The following ITPR3 variants were observed in gnomAD, a reference collection of about 807,000 sequenced individuals.
ITPR3 encodes the protein inositol 1,4,5-trisphosphate receptor type 3, also known as inositol 1,4,5-trisphosphate-gated calcium channel ITPR3.
A neutral mutation model predicts 293.2 loss-of-function variants in ITPR3; 173 were observed. The observed-to-expected ratio is 0.59, with a 90% confidence interval of 0.52 to 0.67. The LOEUF is 0.67. Among genes scored for constraint, ITPR3 ranks in the 30% least tolerant of loss-of-function variants. The pLI, the probability that ITPR3 is intolerant of heterozygous loss-of-function variation, is 0.00. For synonymous variants in ITPR3, 1,295 were observed against 1,444.4 expected, an observed-to-expected ratio of 0.90 and a Z score of 2.35; for missense variants, 2,796 against 3,592.1, an observed-to-expected ratio of 0.78 and a Z score of 5.66.
intron 1 of ITPR3, among the ~76,000 whole-genome samples, chr6:33,631,981 G>A (rs999114303): frequency 1.3e-5 from 2 of 152,166 alleles, no homozygotes; most frequent in Non-Finnish European, 2.9e-5. Context: ...ATTGCTAATT[G>A]TCCATGATCA....
At chr6:33,635,197 C>T (rs9469535) in intron 1 of ITPR3, among the ~76,000 whole-genome samples, 2,366 of 152,342 alleles carry the variant, frequency 0.016, 62 homozygotes, top group African/African-American at 0.051. Context: ...GCTTCTCCCA[C>T]ACCTTCTCTG....
chr6:33,685,394 G>A lies in ITPR3; in HGVS notation c.5343G>A (p.Lys1781=). The A allele has an allele frequency of 1.9e-6, 3 of 1,613,964 alleles. No homozygotes were observed. The highest frequency in any genetic ancestry group is 2.5e-6 in the Non-Finnish European group (3 of 1,179,868). The part of the protein sequence containing the change: ...SFHNLMMSDK[K]SERFFKVLHD... ...ACAACCTGATGATGAGTGACAAGAA[G>A]TCAGAGCGCTTCTTCAAGGTGCTGC... Residue 1781 remains lysine (K), a synonymous_variant, in exon 40 of 58, where the codon AAG becomes AAA. Transcript: ENST00000605930.
At position 33,686,113 on chromosome 6, in the gene ITPR3, T is replaced by C. The variant is rs561904424; in HGVS notation, c.5728T>C (p.Phe1910Leu). 2.5e-6 allele frequency: 4 copies of C among 1,614,184 alleles called. No individual in the cohort carries two copies. The African/African-American group carries it at 5.3e-5, about 22-fold the overall frequency. Residue 1910 changes from phenylalanine (F) to leucine (L), a missense_variant, in exon 42 of 58, where the codon TTC becomes CTC. This residue lies in a region of ITPR3 where 704 missense variants were observed against 797.5 expected (regional missense o/e 0.88). Transcript: ENST00000605930. ...NYNLVCETLQFLDIMCGSTTG... is the reference protein window; with the variant it reads ...NYNLVCETLQLLDIMCGSTTG... ...CAACTTGGTATGCGAGACGCTGCAG[T>C]TCCTGGACATCATGTGCGGCAGCAC...
intron 16 of ITPR3, 96 bp downstream of exon 16, chr6:33,668,060 G>A (rs1326874632): frequency 4.4e-6 from 6 of 1,374,852 alleles, no homozygotes; most frequent in Non-Finnish European, 6.0e-6. Context: ...TCCTGCACCT[G>A]TTGGTAACTG....
At chr6:33,665,011 G>A (rs570987296) in intron 12 of ITPR3, 42 bp downstream of exon 12, 63 of 1,613,406 alleles carry the variant, frequency 3.9e-5, no homozygotes, top group South Asian at 6.6e-5. Flanking sequence ...GGCCAGGGCC[G>A]GAGCTTGTTC....
At chr6:33,690,266 T>C in intron 51 of ITPR3, 68 bp downstream of exon 51, 1 of 1,444,466 alleles carries the variant, frequency 6.9e-7, no homozygotes, top group Non-Finnish European at 9.6e-7. Flanking sequence ...CATGAGTTGT[T>C]GGCAGTTCCC....
rs143641262 is a variant in ITPR3, at chr6:33,667,356, A to G, written c.1713+66A>G. The G allele has an allele frequency of 3.2e-6, 5 of 1,542,566 alleles. No homozygotes were observed. In the African/African-American group the frequency reaches 4.1e-5, roughly 13 times the overall value. ...TCCTTCCTCAGCAAGCGATTTCCTC[A>G]GGCACATGTGCTGTGCCAGGCACTG... On this transcript the variant is annotated intron_variant, in intron 15 of 57. Transcript: ENST00000605930. This position sits in a 1 kb window ranked among gnomAD's most constrained non-coding sequence, Gnocchi z 4.4.
intron 3 of ITPR3, 114 bp from the exon 4 acceptor site, chr6:33,657,818 T>G: frequency 5.6e-6 from 4 of 712,278 alleles, no homozygotes; most frequent in Non-Finnish European, 4.7e-6. Context: ...AGGGTGACTG[T>G]GTGTGTGTGT....
chr6:33,631,080 C>A (rs1410536103), intron 1 of ITPR3, among the ~76,000 whole-genome samples: 2 of 152,234 alleles, frequency 1.3e-5, no homozygotes, highest in Admixed American at 1.3e-4. Flanking sequence ...CCAGCCCATC[C>A]CAGTGTTCTG....
At chr6:33,686,730 CTG>C (rs1765242415) in intron 43 of ITPR3, among the ~76,000 whole-genome samples, 1 of 151,172 alleles carries the variant, frequency 6.6e-6, no homozygotes, top group Non-Finnish European at 1.5e-5. Flanking sequence ...TACACTCACT[CTG>C]GATGCAAATA....
rs764660883 is a variant in ITPR3 at position 33,686,046 on chromosome 6, C to T, written c.5668-7C>T. 2.5e-6 allele frequency: 4 copies of T among 1,613,820 alleles called. No individual in the cohort carries two copies. The highest frequency in any genetic ancestry group is 1.7e-6 in the Non-Finnish European group (2 of 1,179,952). On this transcript the variant is annotated splice_region_variant and splice_polypyrimidine_tract_variant and intron_variant, in intron 41 of 57. Coordinates refer to ENST00000605930, the MANE Select transcript of ITPR3 (RefSeq NM_002224.4). ...TGTGCTGTGCCCAACCCTTCTGTGCCCCGCAGAACTTCCTGCGCTGTCAGA... is the reference window on the plus strand; with the variant it reads ...TGTGCTGTGCCCAACCCTTCTGTGCTCCGCAGAACTTCCTGCGCTGTCAGA...
In ITPR3 at chr6:33,667,674, C is replaced by T. The variant is rs1201755041; in HGVS notation, c.1714-118C>T. On this transcript the variant is annotated intron_variant, in intron 15 of 57. Transcript: ENST00000605930. This position sits in a 1 kb window ranked among gnomAD's most constrained non-coding sequence, Gnocchi z 4.4. Reference sequence around the variant, plus strand: ...CAGCGATGCTTCCTTTCCTGGACCTCTGCCTTTCTAGGGTATTGGGTCCTT... The same window carrying T: ...CAGCGATGCTTCCTTTCCTGGACCTTTGCCTTTCTAGGGTATTGGGTCCTT... 9.0e-7 allele frequency: 1 copy of T among 1,110,656 alleles called. No individual in the cohort carries two copies. The highest frequency in any genetic ancestry group is 2.1e-4 in the Middle Eastern group (1 of 4,836). The allele number at this position is 1,110,656 out of a possible 1,614,324, so 68.8% of individuals were successfully genotyped here. A position where few individuals can be genotyped will look rare whatever the true frequency, so the allele number is the denominator to read the frequency against.
intron 28 of ITPR3, among the ~76,000 whole-genome samples, chr6:33,677,923 TCTCAGCTTCATCTCAACCTTTGACC>T (rs1232870223): frequency 1.3e-5 from 2 of 152,160 alleles, no homozygotes; most frequent in Non-Finnish European, 2.9e-5. Flanking sequence ...ACCCTGATAA[TCTCAGCTTCATCTCAACCTTTGACC>T]CTCAGCTTCC....
At position 33,662,555 on chromosome 6, in the gene ITPR3, G is replaced by T. The variant is rs1174533195; in HGVS notation, c.739G>T (p.Glu247Ter). 6.2e-7 allele frequency: 1 copy of T among 1,606,994 alleles called. No individual in the cohort carries two copies. ...GGDVVRLFHAEQEKFLTCDEY... is the reference protein window; with the variant it reads ...GGDVVRLFHA ...AGACGTGGTGCGGCTGTTCCATGCG[G>T]AGCAGGAGAAGTTCCTGACGTGTGA... Residue 247 changes from glutamate (E) to a stop codon, truncating the protein, a stop_gained, in exon 8 of 58, where the codon GAG becomes TAG. Transcript: ENST00000605930. LOFTEE classifies it high-confidence loss of function.
chr6:33,640,105 C>G (rs1186639755), intron 1 of ITPR3, among the ~76,000 whole-genome samples: 1 of 152,142 alleles, frequency 6.6e-6, no homozygotes, highest in Admixed American at 6.5e-5. Context: ...TTTTTCTCCT[C>G]CTCTCCTGCC....
Position 33,659,548 on chromosome 6 carries a change from G to T in ITPR3, c.710G>T (p.Gly237Val). 6.2e-7 allele frequency: 1 copy of T among 1,613,494 alleles called. No individual in the cohort carries two copies. The highest frequency in any genetic ancestry group is 8.5e-7 in the Non-Finnish European group (1 of 1,179,530). ...GACCACCTGGAGGAGGTGTTGAAAG[G>T]GGTAAGGACTGGGAACCCCTGCCCT... ...FRDHLEEVLK[G>V]GDVVRLFHAE... is the part of the protein sequence containing the mutation. The change falls in exon 7 of 58, where the codon GGG (glycine) becomes GTG (valine). Residue 237 changes from glycine (G) to valine (V), a missense_variant and splice_region_variant. Physicochemically the swap from Gly to Val is moderately radical, Grantham distance 109 (BLOSUM62 -3). Around this residue, in one of 8 missense-constraint regions of ITPR3, gnomAD observed 144 missense variants for 230.8 expected, o/e 0.62. Coordinates refer to ENST00000605930, the MANE Select transcript of ITPR3 (RefSeq NM_002224.4).
In ITPR3 at chr6:33,684,509, G is replaced by A; in HGVS notation, c.5046+44G>A. 3 of 1,600,938 alleles carry A rather than the reference G, an allele frequency of 1.9e-6. No individual in the cohort carries two copies. Among genetic ancestry groups the A allele is most frequent in the South Asian group, 2.2e-5 (2 of 90,800 alleles). On this transcript the variant is annotated intron_variant, in intron 37 of 57. Coordinates refer to ENST00000605930, the MANE Select transcript of ITPR3 (RefSeq NM_002224.4). This position sits in a 1 kb window ranked among gnomAD's most constrained non-coding sequence, Gnocchi z 4.2. ...CAAGTGCTGGGTGGGCCAGTCAGGA[G>A]TACCCAGGGGCTCAGGGTCAAGCCC...
In ITPR3 at chr6:33,696,060, G is replaced by A; in HGVS notation, c.*280G>A. 1 of 449,696 alleles carries A rather than the reference G, an allele frequency of 2.2e-6. No homozygotes were observed. 27.9% of individuals were successfully genotyped at this position (449,696 alleles called of 1,614,324 possible). A position where few individuals can be genotyped will look rare whatever the true frequency, so the allele number is the denominator to read the frequency against. On this transcript the variant is annotated 3_prime_UTR_variant, in exon 58 of 58. Coordinates refer to ENST00000605930, the MANE Select transcript of ITPR3 (RefSeq NM_002224.4). The stretch of plus-strand genomic sequence containing the variant: ...AGATAAATCCTACCTAGAGACCTTT[G>A]TTCCTTAAAGCAATAACTGACAACT...
chr6:33,668,364 TG>T, intron 16 of ITPR3, 150 bp from the exon 17 acceptor site: 1 of 1,072,566 alleles, frequency 9.3e-7, no homozygotes, highest in Non-Finnish European at 1.3e-6. Flanking sequence ...CTTGGGGAGC[TG>T]GGAGTCCATC....
Sources: gnomAD v4.1 joint callset for allele counts (sites outside exome capture counted in the v4.1 genomes callset) on GRCh38, gnomAD v4.1.1 for gene constraint, gnomAD v4.1.1 regional missense constraint, Gnocchi (gnomAD v3.1) non-coding constraint, MANE v1.5 for transcripts, NCBI Gene and HGNC (gene_info 2026-07-23, HGNC 2026-07-21) for gene names.